The following WWOX variants were observed in gnomAD, a reference collection of about 807,000 sequenced individuals.
WWOX encodes the protein WW domain containing oxidoreductase.
WWOX carries 69 observed loss-of-function variants against 46.2 expected under a neutral mutation model. The observed-to-expected ratio is 1.49, with a 90% CI of 1.23 to 1.82. The LOEUF (loss-of-function observed/expected upper bound fraction) is 1.82. Among genes scored for constraint, WWOX ranks in the 40% most tolerant of loss-of-function variants. The probability of loss-of-function intolerance (pLI) is 0.00; values close to 1 mark genes in which losing one functional copy is unlikely to be tolerated. For missense variants in WWOX, 919 were observed against 542.6 expected, an observed-to-expected ratio of 1.69 and a Z score of -6.89; for synonymous variants, 359 against 202.6, an observed-to-expected ratio of 1.77 and a Z score of -6.56.
chr16:78,954,141 A>T (rs1024823682), intron 8 of WWOX, among the ~76,000 whole-genome samples: 2 of 152,182 alleles, frequency 1.3e-5, no homozygotes, highest in Non-Finnish European at 2.9e-5. Context: ...TGCCATAAAA[A>T]TGTCTGTCAG....
chr16:78,574,101 G>C (rs1223077510), intron 8 of WWOX, among the ~76,000 whole-genome samples: 1 of 152,174 alleles, frequency 6.6e-6, no homozygotes, highest in African/African-American at 2.4e-5. Context: ...TTGGCTGTTG[G>C]CTGGAGGTAC....
chr16:78,308,591 C>T (rs1597463718), intron 5 of WWOX, among the ~76,000 whole-genome samples: 1 of 152,326 alleles, frequency 6.6e-6, no homozygotes, highest in Middle Eastern at 3.4e-3. Flanking sequence ...CGAAATGGCC[C>T]TGCAAAGCTG....
intron 8 of WWOX, among the ~76,000 whole-genome samples, chr16:78,580,270 C>G (rs193124822): frequency 3.4e-4 from 52 of 152,126 alleles, no homozygotes; most frequent in Middle Eastern, 3.4e-3. Context: ...GATGGGGTCT[C>G]ACTATGTTGC....
intron 8 of WWOX, among the ~76,000 whole-genome samples, chr16:79,050,188 G>C (rs904985056): frequency 5.9e-5 from 9 of 152,184 alleles, no homozygotes; most frequent in Non-Finnish European, 1.3e-4. Flanking sequence ...GAACTAGGCT[G>C]GGCTTGGCTG....
At chr16:78,426,107 A>T (rs2083071388) in intron 7 of WWOX, among the ~76,000 whole-genome samples, 1 of 152,220 alleles carries the variant, frequency 6.6e-6, no homozygotes, top group African/African-American at 2.4e-5. Context: ...AATGAAAGGT[A>T]AATGCCAGTA....
In WWOX at chr16:79,153,312, G is replaced by A. The variant is rs570679681; in HGVS notation, c.1057-58296G>A. Among the ~76,000 whole-genome samples, 13 of 152,176 alleles carry A rather than the reference G, an allele frequency of 8.5e-5. No individual in the cohort carries two copies. The South Asian group carries it at 2.5e-3, about 29-fold the overall frequency. ...ACTCCCCTGTACAATTTTTCTGGAG[G>A]GTCTAGAGTCACATGAGTCACGCCA... is the stretch of plus-strand genomic sequence containing the variant. On this transcript the variant is annotated intron_variant, in intron 8 of 8. Transcript: ENST00000566780.
chr16:78,150,058 C>A (rs923044973), intron 4 of WWOX, among the ~76,000 whole-genome samples: 1 of 152,172 alleles, frequency 6.6e-6, no homozygotes, highest in Non-Finnish European at 1.5e-5. Flanking sequence ...ACAGGATCAT[C>A]CCCTACTTCA....
At chr16:78,478,853 C>G (rs925694536) in intron 8 of WWOX, among the ~76,000 whole-genome samples, 2 of 152,132 alleles carry the variant, frequency 1.3e-5, no homozygotes, top group Non-Finnish European at 2.9e-5. Context: ...TTTCCTTGGA[C>G]AAGCCCTTTC....
At chr16:79,095,860 CT>C (rs775730124) in intron 8 of WWOX, among the ~76,000 whole-genome samples, 18,999 of 118,282 alleles carry the variant, frequency 0.16, 2,127 homozygotes, top group East Asian at 0.56. Flanking sequence ...CTCTCTCTCT[CT>C]TTTTTTTTTT....
At chr16:78,514,796 G>A (rs560361152) in intron 8 of WWOX, among the ~76,000 whole-genome samples, 1 of 152,266 alleles carries the variant, frequency 6.6e-6, no homozygotes, top group South Asian at 2.1e-4. Context: ...ACTATAATTT[G>A]TCTGCCTCCC....
chr16:78,571,358 A>T (rs2044711437), intron 8 of WWOX, among the ~76,000 whole-genome samples: 1 of 152,194 alleles, frequency 6.6e-6, no homozygotes, highest in Non-Finnish European at 1.5e-5. Flanking sequence ...GAAATGTCCC[A>T]TTAAATGTGT....
chr16:78,841,675 A>C (rs1336778846), intron 8 of WWOX, among the ~76,000 whole-genome samples: 1 of 152,236 alleles, frequency 6.6e-6, no homozygotes, highest in African/African-American at 2.4e-5. Context: ...ACCTATAAGT[A>C]GGTGCAAACA....
intron 8 of WWOX, among the ~76,000 whole-genome samples, chr16:78,539,845 C>G (rs933435077): frequency 6.6e-6 from 1 of 152,120 alleles, no homozygotes; most frequent in Non-Finnish European, 1.5e-5. Context: ...TTTATCTTGC[C>G]ATTACTGTAC....
chr16:78,629,608 A>G (rs1465985617), intron 8 of WWOX, among the ~76,000 whole-genome samples: 5 of 152,172 alleles, frequency 3.3e-5, no homozygotes. Flanking sequence ...CTTACTTTGT[A>G]CCACTTTCCC....
chr16:78,577,221 T>G (rs1026616404), intron 8 of WWOX, among the ~76,000 whole-genome samples: 1 of 152,216 alleles, frequency 6.6e-6, no homozygotes, highest in Non-Finnish European at 1.5e-5. Context: ...GAAGGGAAAT[T>G]GTATGCCTTA....
At chr16:78,459,351 C>A (rs577008758) in intron 8 of WWOX, among the ~76,000 whole-genome samples, 1 of 152,268 alleles carries the variant, frequency 6.6e-6, no homozygotes, top group East Asian at 1.9e-4. Context: ...TTAATAAATG[C>A]CCTTTTCTTG....
At chr16:79,094,398 C>T (rs929344561) in intron 8 of WWOX, among the ~76,000 whole-genome samples, 23 of 151,982 alleles carry the variant, frequency 1.5e-4, no homozygotes, top group South Asian at 2.1e-4. Context: ...TACAGGCGCC[C>T]GCCACCATGT....
chr16:78,894,968 C>G (rs558914677), intron 8 of WWOX, among the ~76,000 whole-genome samples: 1 of 152,284 alleles, frequency 6.6e-6, no homozygotes. Flanking sequence ...CAGGATCCAC[C>G]TCCACAACTA....
At chr16:78,933,718 T>G (rs2045673069) in intron 8 of WWOX, among the ~76,000 whole-genome samples, 2 of 151,824 alleles carry the variant, frequency 1.3e-5, no homozygotes, top group Admixed American at 6.6e-5. Flanking sequence ...AAACTCCTGT[T>G]TTTTAAAACT....
Sources: allele counts gnomAD v4.1 joint callset (sites outside exome capture counted in the v4.1 genomes callset), GRCh38; gene constraint gnomAD v4.1.1; transcripts MANE v1.5; gene names NCBI Gene and HGNC (gene_info 2026-07-23, HGNC 2026-07-21).